The following BMPR1B variants were observed in gnomAD, a reference collection of about 807,000 sequenced individuals.
BMPR1B encodes bone morphogenetic protein receptor type-1B.
In BMPR1B, 12 loss-of-function variants were observed where a neutral mutation model predicts 59.1. The ratio of observed to expected loss-of-function variants is 0.20; its 90% CI spans 0.13 to 0.33. The LOEUF is 0.33. Among genes scored for constraint, BMPR1B ranks in the 10% least tolerant of loss-of-function variants. The pLI, the probability that BMPR1B is intolerant of heterozygous loss-of-function variation, is 1.00. For synonymous variants in BMPR1B, 237 were observed against 207.3 expected, an observed-to-expected ratio of 1.14 and a Z score of -1.23; for missense variants, 550 against 610.9, an observed-to-expected ratio of 0.90 and a Z score of 1.05.
In BMPR1B at chr4:94,757,973, C is replaced by CGGGCGCG. The variant is rs1316838374; in HGVS notation, c.-269_-263dup. 4.0e-3 allele frequency: 583 copies of CGGGCGCG among 144,722 alleles called. 8 individuals carry two copies. Among genetic ancestry groups the CGGGCGCG allele is most frequent in the Admixed American group, 0.016 (232 of 14,560 alleles). 9.0% of individuals were successfully genotyped at this position (144,722 alleles called of 1,614,324 possible). A position where few individuals can be genotyped will look rare whatever the true frequency, so the allele number is the denominator to read the frequency against. ...GGCGGCCAGAAGTTGACGGCGCAGC[C>CGGGCGCG]GGGCGCGGGGCGCGGAGTCGGCGGG... On this transcript the variant is annotated 5_prime_UTR_variant, in exon 1 of 13. Coordinates refer to ENST00000515059, the MANE Select transcript of BMPR1B (RefSeq NM_001203.3).
At chr4:94,839,963 C>G (rs1268846760) in intron 1 of BMPR1B, among the ~76,000 whole-genome samples, 2 of 151,352 alleles carry the variant, frequency 1.3e-5, no homozygotes, top group Non-Finnish European at 2.9e-5. Flanking sequence ...CTGGTGGTGA[C>G]AAAAATCTCT....
intron 1 of BMPR1B, among the ~76,000 whole-genome samples, chr4:94,813,349 T>C (rs1723893804): frequency 6.6e-6 from 1 of 152,060 alleles, no homozygotes; most frequent in South Asian, 2.1e-4. Flanking sequence ...AGTGATGCGA[T>C]GAGAGATCTG....
At chr4:94,885,521 CT>C (rs1727139717) in intron 2 of BMPR1B, among the ~76,000 whole-genome samples, 1 of 151,972 alleles carries the variant, frequency 6.6e-6, no homozygotes, top group Non-Finnish European at 1.5e-5. Context: ...GCCATTGGTG[CT>C]AACATATTTA....
At chr4:95,000,861 A>T (rs1722397005) in intron 3 of BMPR1B, among the ~76,000 whole-genome samples, 1 of 152,180 alleles carries the variant, frequency 6.6e-6, no homozygotes, top group South Asian at 2.1e-4. Flanking sequence ...TTATTGTTAG[A>T]AGTTTTTTGC....
At chr4:94,788,729 T>A (rs1722847900) in intron 1 of BMPR1B, among the ~76,000 whole-genome samples, 2 of 152,192 alleles carry the variant, frequency 1.3e-5, no homozygotes, top group African/African-American at 2.4e-5. Context: ...GATGAGGGCA[T>A]CTTTTAGATC....
chr4:95,140,342 C>A (rs534880617), intron 10 of BMPR1B, among the ~76,000 whole-genome samples: 14 of 151,816 alleles, frequency 9.2e-5, no homozygotes, highest in Non-Finnish European at 1.9e-4. Context: ...CACCAGAGAT[C>A]CTACACATTC....
chr4:94,780,909 C>T (rs943258563), intron 1 of BMPR1B, among the ~76,000 whole-genome samples: 7 of 151,912 alleles, frequency 4.6e-5, no homozygotes, highest in African/African-American at 1.5e-4. Context: ...AGGATGGTCT[C>T]GATCTCCTGA....
intron 10 of BMPR1B, among the ~76,000 whole-genome samples, chr4:95,132,985 C>T (rs1392978384): frequency 1.3e-5 from 2 of 152,164 alleles, no homozygotes; most frequent in East Asian, 1.9e-4. Flanking sequence ...TCTCTTTTTA[C>T]CTCTTACATA....
At chr4:94,947,442 AAT>A (rs1386001834) in intron 2 of BMPR1B, among the ~76,000 whole-genome samples, 1 of 152,240 alleles carries the variant, frequency 6.6e-6, no homozygotes. Flanking sequence ...ATCTTAAAAA[AAT>A]AGTCAGAATT....
intron 2 of BMPR1B, among the ~76,000 whole-genome samples, chr4:94,962,063 TTTC>T (rs1730376735): frequency 1.4e-5 from 2 of 146,608 alleles, no homozygotes; most frequent in African/African-American, 2.7e-5. Context: ...CTTTCTTTTC[TTTC>T]TTTTCTTTCC....
At chr4:95,151,806 G>A (rs1345337937) in intron 11 of BMPR1B, among the ~76,000 whole-genome samples, 1 of 152,132 alleles carries the variant, frequency 6.6e-6, no homozygotes, top group Non-Finnish European at 1.5e-5. Flanking sequence ...GAGGAGGGGT[G>A]CTCCCAAAAG....
intron 2 of BMPR1B, among the ~76,000 whole-genome samples, chr4:94,922,262 A>G (rs925197900): frequency 2.0e-5 from 3 of 152,064 alleles, no homozygotes; most frequent in African/African-American, 7.2e-5. Flanking sequence ...GGCATGAGTC[A>G]TTGTGCCTGG....
intron 2 of BMPR1B, among the ~76,000 whole-genome samples, chr4:94,900,557 A>G (rs1389954718): frequency 6.6e-6 from 1 of 152,052 alleles, no homozygotes; most frequent in East Asian, 1.9e-4. Flanking sequence ...GAGTTTCAGA[A>G]TAAGGAAAGT....
intron 4 of BMPR1B, among the ~76,000 whole-genome samples, chr4:95,109,861 TC>T (rs1203520244): frequency 2.1e-5 from 1 of 47,590 alleles, no homozygotes; most frequent in Non-Finnish European, 4.0e-5. Context: ...CCCTCCCCCC[TC>T]CCCCCACCCC....
At chr4:94,761,204 G>C (rs1039733358) in intron 1 of BMPR1B, among the ~76,000 whole-genome samples, 5 of 152,094 alleles carry the variant, frequency 3.3e-5, no homozygotes, top group African/African-American at 1.2e-4. Flanking sequence ...AATAAAAGCC[G>C]TGCATGAAAT....
chr4:94,825,420 C>T (rs1431945856), intron 1 of BMPR1B, among the ~76,000 whole-genome samples: 1 of 152,006 alleles, frequency 6.6e-6, no homozygotes, highest in Non-Finnish European at 1.5e-5. Context: ...TGAGAGGATC[C>T]CTTGAGCCCA....
chr4:94,768,038 A>G (rs1241239985), intron 1 of BMPR1B, among the ~76,000 whole-genome samples: 1 of 147,830 alleles, frequency 6.8e-6, no homozygotes, highest in Non-Finnish European at 1.5e-5. Flanking sequence ...GACACTTACT[A>G]AAAAAAAAAG....
At chr4:95,013,459 A>G (rs1723362531) in intron 3 of BMPR1B, among the ~76,000 whole-genome samples, 1 of 152,152 alleles carries the variant, frequency 6.6e-6, no homozygotes, top group African/African-American at 2.4e-5. Flanking sequence ...CCCCATGCAG[A>G]GATGCCTCCC....
intron 2 of BMPR1B, among the ~76,000 whole-genome samples, chr4:94,963,229 A>G (rs1179276450): frequency 6.6e-6 from 1 of 152,078 alleles, no homozygotes; most frequent in East Asian, 1.9e-4. Context: ...AATTCCTTGT[A>G]TCTTCTGGTT....
Sources: allele counts gnomAD v4.1 joint callset (sites outside exome capture counted in the v4.1 genomes callset), GRCh38; gene constraint gnomAD v4.1.1; transcripts MANE v1.5; gene names NCBI Gene and HGNC (gene_info 2026-07-23, HGNC 2026-07-21).